Variants in TAOK1 observed in about 807,000 individuals in gnomAD.
TAOK1 encodes serine/threonine-protein kinase TAO1.
TAOK1 carries 21 observed loss-of-function variants against 138.3 expected under a neutral mutation model. The observed-to-expected ratio is 0.15, with a 90% CI of 0.11 to 0.22. The LOEUF is 0.22. TAOK1 is among the 10% of genes least tolerant of loss of function. The pLI, the probability that TAOK1 is intolerant of heterozygous loss-of-function variation, is 1.00. For missense variants in TAOK1, 651 were observed against 1,227.7 expected, an observed-to-expected ratio of 0.53 and a Z score of 7.02; for synonymous variants, 361 against 398.4, an observed-to-expected ratio of 0.91 and a Z score of 1.12.
At chr17:29,413,245 T>C (rs144102023) in intron 1 of TAOK1, among the ~76,000 whole-genome samples, 53 of 152,252 alleles carry the variant, frequency 3.5e-4, no homozygotes, top group Non-Finnish European at 6.9e-4. Context: ...TTAGGAAATA[T>C]TTCCATCCCA....
intron 1 of TAOK1, among the ~76,000 whole-genome samples, chr17:29,416,993 T>A (rs1262729417): frequency 1.3e-5 from 2 of 152,092 alleles, no homozygotes; most frequent in Non-Finnish European, 2.9e-5. Flanking sequence ...TTATCCTTAT[T>A]TTAGTTTACC....
At chr17:29,486,079 A>G (rs1009956140) in intron 8 of TAOK1, among the ~76,000 whole-genome samples, 1 of 152,166 alleles carries the variant, frequency 6.6e-6, no homozygotes, top group Admixed American at 6.5e-5. Flanking sequence ...TGAGCCCAGG[A>G]GTTGGAGACC....
At chr17:29,475,562 G>A (rs767614728) in intron 3 of TAOK1, 108 bp from the exon 4 acceptor site, 4 of 742,280 alleles carry the variant, frequency 5.4e-6, no homozygotes, top group Non-Finnish European at 2.2e-6. Context: ...ACCAAGCAAA[G>A]TTGCATGTTC....
intron 1 of TAOK1, among the ~76,000 whole-genome samples, chr17:29,422,341 C>T (rs1228699636): frequency 1.3e-5 from 2 of 150,980 alleles, no homozygotes; most frequent in African/African-American, 2.4e-5. Context: ...GTAGCTGGAA[C>T]TACAGGCACG....
intron 1 of TAOK1, among the ~76,000 whole-genome samples, chr17:29,435,756 C>G (rs1906008822): frequency 6.6e-6 from 1 of 152,176 alleles, no homozygotes; most frequent in African/African-American, 2.4e-5. Flanking sequence ...TTAAAATAAC[C>G]ATTTTCTCCA....
At chr17:29,497,271 G>A (rs952344265) in intron 11 of TAOK1, among the ~76,000 whole-genome samples, 4 of 151,738 alleles carry the variant, frequency 2.6e-5, no homozygotes, top group African/African-American at 9.7e-5. Flanking sequence ...AATAAATAAT[G>A]AACTGTCAAA....
At chr17:29,496,529 T>C (rs1039883319) in intron 11 of TAOK1, among the ~76,000 whole-genome samples, 1 of 150,918 alleles carries the variant, frequency 6.6e-6, no homozygotes, top group Non-Finnish European at 1.5e-5. Flanking sequence ...AGAAAGTTAG[T>C]AGGCATTCGA....
Position 29,411,196 on chromosome 17 carries a change from A to G in TAOK1, c.-95+20172A>G, listed in dbSNP as rs1406547236. Among the ~76,000 whole-genome samples, 5 of 135,932 alleles carry G rather than the reference A, an allele frequency of 3.7e-5. No individual in the cohort carries two copies. In the East Asian group the frequency reaches 1.1e-3, roughly 31 times the overall value. 89.2% of individuals were successfully genotyped at this position (135,932 alleles called of 152,430 possible). On this transcript the variant is annotated intron_variant, in intron 1 of 19. Coordinates refer to ENST00000261716, the MANE Select transcript of TAOK1 (RefSeq NM_020791.4). ...AAGCTCCGCCTTCCGGGTTCACGCC[A>G]TTCTCCTGCCTCAGCCTCCCAAGTA...
At chr17:29,461,634 T>G (rs1423425072) in intron 2 of TAOK1, among the ~76,000 whole-genome samples, 1 of 152,168 alleles carries the variant, frequency 6.6e-6, no homozygotes, top group Non-Finnish European at 1.5e-5. Flanking sequence ...TACTTGCCTT[T>G]TGGAGAAAAA....
chr17:29,543,018 C>T lies in TAOK1; in HGVS notation c.3002C>T (p.Thr1001Ile). Residue 1001 changes from threonine to isoleucine, a missense_variant, in exon 20 of 20, where the codon ACA becomes ATA. Physicochemically the swap from Thr to Ile is moderately conservative, Grantham distance 89. Around this residue, in one of 8 missense-constraint regions of TAOK1, gnomAD observed 108 missense variants for 120.3 expected, o/e 0.90. Coordinates refer to ENST00000261716, the MANE Select transcript of TAOK1 (RefSeq NM_020791.4). The part of the protein sequence containing the change: ...QISNGSHMSY[T>I] ...TCCAATGGGTCACACATGTCTTATA[C>T]ATAACTTAATAATTGAGAGTGGCAA... is the stretch of plus-strand genomic sequence containing the variant. 1 of 1,572,292 alleles carries T rather than the reference C, an allele frequency of 6.4e-7. No individual in the cohort carries two copies. The highest frequency in any genetic ancestry group is 8.7e-7 in the Non-Finnish European group (1 of 1,154,560).
chr17:29,494,831 A>G, intron 10 of TAOK1, among the ~76,000 whole-genome samples: 1 of 151,006 alleles, frequency 6.6e-6, no homozygotes, highest in Admixed American at 6.6e-5. Flanking sequence ...GTCTCAAAAA[A>G]AAAAAAAAAA....
At chr17:29,435,926 C>T (rs1272756891) in intron 1 of TAOK1, among the ~76,000 whole-genome samples, 2 of 152,090 alleles carry the variant, frequency 1.3e-5, no homozygotes, top group African/African-American at 4.8e-5. Context: ...GTCAGGAGTT[C>T]GAGACCAGCC....
At chr17:29,540,698 G>A (rs538738376) in intron 19 of TAOK1, among the ~76,000 whole-genome samples, 71 of 152,310 alleles carry the variant, frequency 4.7e-4, no homozygotes, top group African/African-American at 1.6e-3. Flanking sequence ...AGTCTCCCGA[G>A]TAGCTGGGAT....
At chr17:29,440,540 T>C (rs1391666493) in intron 1 of TAOK1, among the ~76,000 whole-genome samples, 1 of 152,064 alleles carries the variant, frequency 6.6e-6, no homozygotes, top group Non-Finnish European at 1.5e-5. Flanking sequence ...ACTTATCATA[T>C]ACTGTAAATA....
intron 1 of TAOK1, among the ~76,000 whole-genome samples, chr17:29,407,521 C>T (rs1905027414): frequency 6.6e-6 from 1 of 152,052 alleles, no homozygotes; most frequent in Non-Finnish European, 1.5e-5. Flanking sequence ...TCATGGCTCA[C>T]TGCAACCTTG....
chr17:29,437,142 C>T (rs1011055157), intron 1 of TAOK1, among the ~76,000 whole-genome samples: 24 of 152,124 alleles, frequency 1.6e-4, no homozygotes, highest in African/African-American at 5.8e-4. Flanking sequence ...TGGCTCACTG[C>T]CACCTCCTCC....
intron 1 of TAOK1, among the ~76,000 whole-genome samples, chr17:29,423,927 T>C (rs953703921): frequency 1.3e-5 from 2 of 151,556 alleles, no homozygotes; most frequent in African/African-American, 4.8e-5. Flanking sequence ...TGGACGCCTG[T>C]AATCCCAGCT....
At chr17:29,443,772 T>C (rs558171848) in intron 1 of TAOK1, among the ~76,000 whole-genome samples, 3 of 152,330 alleles carry the variant, frequency 2.0e-5, no homozygotes, top group African/African-American at 4.8e-5. Flanking sequence ...AAATCGTATA[T>C]GCTGTTTCAT....
At chr17:29,480,186 C>T (rs2031031350) in intron 6 of TAOK1, 182 bp from the exon 7 acceptor site, 2 of 384,412 alleles carry the variant, frequency 5.2e-6, no homozygotes, top group African/African-American at 2.1e-5. Context: ...TATTTGAATT[C>T]TGTAGTTTTT....
Sources: allele counts gnomAD v4.1 joint callset (sites outside exome capture counted in the v4.1 genomes callset), GRCh38; gene constraint gnomAD v4.1.1; regional missense constraint gnomAD v4.1.1; transcripts MANE v1.5; gene names NCBI Gene and HGNC (gene_info 2026-07-23, HGNC 2026-07-21).